The following ZNF248 variants were observed in gnomAD, a reference collection of about 807,000 sequenced individuals.
The protein encoded by ZNF248 is KRAB protein domain.
A neutral mutation model predicts 44.3 loss-of-function variants in ZNF248; 20 were observed. The observed-to-expected ratio is 0.45, with a 90% CI of 0.32 to 0.66. ZNF248 has a LOEUF of 0.66. Ranked by LOEUF, ZNF248 falls within the 30% of genes least tolerant of loss-of-function variation. ZNF248 has a pLI of 0.04. For synonymous variants in ZNF248, 224 were observed against 229.0 expected (o/e 0.98, Z 0.20); for missense variants, 654 against 677.0 (o/e 0.97, Z 0.38).
chr10:37,811,538 C>A (rs2051491696), intron 6 of ZNF248, among the ~76,000 whole-genome samples: 1 of 151,848 alleles, frequency 6.6e-6, no homozygotes, highest in Non-Finnish European at 1.5e-5. Flanking sequence ...AGATGTTTGG[C>A]TTTAGAAATT....
the ZNF248 span, among the ~76,000 whole-genome samples, chr10:37,760,394 A>T: frequency 6.6e-6 from 1 of 152,040 alleles, no homozygotes; most frequent in East Asian, 2.0e-4. Context: ...CCAGGCCCAG[A>T]TAATTTTCTG....
chr10:37,851,768 CAAAAA>C lies in ZNF248; in HGVS notation c.15+4523_15+4527del, dbSNP rs57501241. On this transcript the variant is annotated intron_variant, in intron 3 of 5. Transcript: ENST00000395867. Reference sequence around the variant, plus strand: ...ATCACTATATACCCATCAGAATGACCAAAAAAAAAAAAAAAAAAAAAAAAAACCAG... The same window carrying C: ...ATCACTATATACCCATCAGAATGACCAAAAAAAAAAAAAAAAAAAAACCAG... Among the ~76,000 whole-genome samples, 17 of 32,058 alleles carry C rather than the reference CAAAAA, an allele frequency of 5.3e-4. No individual in the cohort carries two copies. The South Asian group carries it at 0.011, about 20-fold the overall frequency. The allele number at this position is 32,058 out of a possible 152,430, so 21.0% of individuals were successfully genotyped here. A position where few individuals can be genotyped will look rare whatever the true frequency, so the allele number is the denominator to read the frequency against.
At chr10:37,817,007 G>A (rs911137649) in intron 6 of ZNF248, among the ~76,000 whole-genome samples, 1 of 152,080 alleles carries the variant, frequency 6.6e-6, no homozygotes, top group African/African-American at 2.4e-5. Context: ...ATGGGGTCTG[G>A]GTGGAAGGGA....
At chr10:37,776,550 T>G (rs367569017) in exon 7 of ZNF248, 1 of 398,488 alleles carries the variant, frequency 2.5e-6, no homozygotes. Context: ...CAAGAACTGC[T>G]TTCTTCCGAG....
At chr10:37,769,109 C>G in the ZNF248 span, among the ~76,000 whole-genome samples, 1 of 152,130 alleles carries the variant, frequency 6.6e-6, no homozygotes, top group Admixed American at 6.6e-5. Context: ...ATAACAGGAG[C>G]TGAAATTGTG....
Position 37,830,951 on chromosome 10 carries a change from A to C in ZNF248, c.*664T>G, listed in dbSNP as rs965810499. On this transcript the variant is annotated 3_prime_UTR_variant, in exon 6 of 6. Transcript: ENST00000395867. ...ATAACTGGCTCACAAAATTCCTTAA[A>C]ATTTAACAATCAGAACTTTTAAGTC... 3 of 429,608 alleles carry C rather than the reference A, an allele frequency of 7.0e-6. No homozygotes were observed. The highest frequency in any genetic ancestry group is 5.7e-5 in the Admixed American group (1 of 17,476). The allele number at this position is 429,608 out of a possible 1,614,324, so 26.6% of individuals were successfully genotyped here.
At chr10:37,844,595 C>T (rs1352630684) in intron 3 of ZNF248, among the ~76,000 whole-genome samples, 1 of 152,112 alleles carries the variant, frequency 6.6e-6, no homozygotes, top group African/African-American at 2.4e-5. Context: ...GCAACAACAA[C>T]GTAGGGAGAA....
At chr10:37,778,151 A>T (rs916170899) in intron 6 of ZNF248, among the ~76,000 whole-genome samples, 1 of 152,184 alleles carries the variant, frequency 6.6e-6, no homozygotes, top group African/African-American at 2.4e-5. Flanking sequence ...CAGTCCCACC[A>T]ACAGTGTAAA....
the ZNF248 span, among the ~76,000 whole-genome samples, chr10:37,760,428 G>C: frequency 6.6e-6 from 1 of 152,282 alleles, no homozygotes; most frequent in East Asian, 1.9e-4. Context: ...TCACTATGCT[G>C]CCCAGGCTGG....
intron 6 of ZNF248, chr10:37,792,003 G>A (rs149747965): frequency 6.6e-6 from 1 of 152,232 alleles, no homozygotes; most frequent in African/African-American, 2.4e-5. Flanking sequence ...CTCTCTTGCA[G>A]AAGAGCTAAT....
intron 6 of ZNF248, among the ~76,000 whole-genome samples, chr10:37,781,320 T>G (rs201209137): frequency 6.6e-6 from 1 of 152,192 alleles, no homozygotes; most frequent in African/African-American, 2.4e-5. Context: ...GCTGTTATAA[T>G]GTACCACCTG....
chr10:37,829,334 C>A lies in ZNF248; in HGVS notation c.*2281G>T. ...TGTTTCACTGTCCCTTGTTTCTGGC[C>A]CACACCACTGTAATCAGTCTGCCAT... On this transcript the variant is annotated 3_prime_UTR_variant, in exon 6 of 6. Transcript: ENST00000395867. The A allele has an allele frequency of 4.1e-6, 4 of 985,382 alleles. No homozygotes were observed. Among genetic ancestry groups the A allele is most frequent in the Non-Finnish European group, 4.8e-6 (4 of 829,934 alleles). 61.0% of individuals were successfully genotyped at this position (985,382 alleles called of 1,614,324 possible).
chr10:37,852,513 G>T (rs2060458348), intron 3 of ZNF248, among the ~76,000 whole-genome samples: 1 of 151,790 alleles, frequency 6.6e-6, no homozygotes, highest in Admixed American at 6.6e-5. Context: ...ATGGAGGTAG[G>T]TGTGGCTATA....
At chr10:37,826,925 C>A (rs1449266340), downstream of ZNF248, among the ~76,000 whole-genome samples, 1 of 152,092 alleles carries the variant, frequency 6.6e-6, no homozygotes, top group East Asian at 1.9e-4. Flanking sequence ...GGTTACAGTG[C>A]ATGGAAAAAG....
downstream of ZNF248, among the ~76,000 whole-genome samples, chr10:37,828,050 C>T (rs2054663401): frequency 6.6e-6 from 1 of 152,194 alleles, no homozygotes; most frequent in Admixed American, 6.5e-5. Context: ...GGGGGATAAA[C>T]TGTTCATTGT....
chr10:37,831,190 T>C lies in ZNF248; in HGVS notation c.*425A>G. 1 of 1,540,612 alleles carries C rather than the reference T, an allele frequency of 6.5e-7. No individual in the cohort carries two copies. Reference sequence around the variant, plus strand: ...CTTATGATCATGTTGAGTTCCAATATACAAATCAAGCATACTCAAATTTAT... The same window carrying C: ...CTTATGATCATGTTGAGTTCCAATACACAAATCAAGCATACTCAAATTTAT... On this transcript the variant is annotated 3_prime_UTR_variant, in exon 6 of 6. Coordinates refer to ENST00000395867, the MANE Select transcript of ZNF248 (RefSeq NM_021045.3).
chr10:37,835,117 T>C (rs1422938292), intron 5 of ZNF248, among the ~76,000 whole-genome samples: 1 of 151,420 alleles, frequency 6.6e-6, no homozygotes, highest in African/African-American at 2.4e-5. Flanking sequence ...ATAAATTGAA[T>C]AATTTAGGCT....
At chr10:37,798,272 A>C (rs1270394634) in intron 6 of ZNF248, among the ~76,000 whole-genome samples, 1 of 152,162 alleles carries the variant, frequency 6.6e-6, no homozygotes, top group Admixed American at 6.5e-5. Flanking sequence ...AAATTTACAC[A>C]AACAAAAAGC....
intron 6 of ZNF248, among the ~76,000 whole-genome samples, chr10:37,809,434 T>C (rs2051148029): frequency 6.6e-6 from 1 of 152,070 alleles, no homozygotes; most frequent in Admixed American, 6.6e-5. Flanking sequence ...CCCGCCACCA[T>C]GCCTGGCTAA....
Sources: gnomAD v4.1 joint callset for allele counts (sites outside exome capture counted in the v4.1 genomes callset) on GRCh38, gnomAD v4.1.1 for gene constraint, MANE v1.5 for transcripts, NCBI Gene and HGNC (gene_info 2026-07-23, HGNC 2026-07-21) for gene names.